The following GRB10 variants were observed in gnomAD, a reference collection of about 807,000 sequenced individuals.
The protein encoded by GRB10 is growth factor receptor-bound protein 10.
Under a neutral mutation model 80.9 loss-of-function variants are expected in GRB10, and 20 were observed. That is an observed-to-expected ratio of 0.25 (90% CI 0.17 to 0.36). The LOEUF (loss-of-function observed/expected upper bound fraction) is 0.36. GRB10 is among the 10% of genes least tolerant of loss of function. The pLI is 1.00. For missense variants in GRB10, 548 were observed against 747.7 expected (o/e 0.73, Z 3.12); for synonymous variants, 291 against 291.5 (o/e 1.00, Z 0.02).
intron 4 of GRB10, chr7:50,705,251 A>T (rs2064877456): frequency 2.0e-6 from 2 of 985,688 alleles, no homozygotes; most frequent in Non-Finnish European, 2.4e-6. Flanking sequence ...CAGCTCACCC[A>T]CATCTACCAC....
intron 3 of GRB10, among the ~76,000 whole-genome samples, chr7:50,751,592 T>TG (rs1278187016): frequency 1.3e-5 from 2 of 152,212 alleles, no homozygotes; most frequent in Non-Finnish European, 1.5e-5. Flanking sequence ...AAAGGGGCAC[T>TG]GGGAAGTGTG....
In GRB10 at chr7:50,605,401, A is replaced by G. The variant is rs2048349825; in HGVS notation, c.1278T>C (p.Ser426=). ...LLSPFSTPVR[S]VSENSLVAMD... The stretch of plus-strand genomic sequence containing the variant: ...TTGCCACGAGGGAGTTCTCGGAGAC[A>G]CTGCGCTGAAAAGGAAAGGCCGCAG... The change falls in exon 15 of 19, where the codon AGT becomes AGC. Residue 426 remains serine (S), a synonymous_variant. Coordinates refer to ENST00000401949, the MANE Select transcript of GRB10 (RefSeq NM_001350814.2). The G allele has an allele frequency of 4.3e-6, 7 of 1,613,502 alleles. No individual in the cohort carries two copies. Among genetic ancestry groups the G allele is most frequent in the Non-Finnish European group, 5.9e-6 (7 of 1,179,358 alleles).
At chr7:50,765,572 G>A (rs953317896) in intron 2 of GRB10, among the ~76,000 whole-genome samples, 15 of 152,326 alleles carry the variant, frequency 9.8e-5, no homozygotes, top group Admixed American at 7.8e-4. Flanking sequence ...TCTCACTCAT[G>A]TGCAAGCTAT....
intron 2 of GRB10, among the ~76,000 whole-genome samples, chr7:50,777,025 C>T (rs1224426497): frequency 1.1e-5 from 1 of 87,008 alleles, no homozygotes; most frequent in African/African-American, 4.6e-5. Flanking sequence ...ATAACAACAC[C>T]CACTCTCAGT....
chr7:50,733,456 T>C (rs1287735552), intron 3 of GRB10, among the ~76,000 whole-genome samples: 2 of 152,204 alleles, frequency 1.3e-5, no homozygotes, highest in Non-Finnish European at 2.9e-5. Context: ...ATCCCAGATC[T>C]GTAAAATTTA....
chr7:50,678,101 G>C (rs967039775), intron 5 of GRB10, among the ~76,000 whole-genome samples: 1 of 152,182 alleles, frequency 6.6e-6, no homozygotes, highest in African/African-American at 2.4e-5. Context: ...AGCCCCCGGG[G>C]TCTCCTGTCC....
At chr7:50,671,648 T>TG (rs1179114131) in intron 6 of GRB10, among the ~76,000 whole-genome samples, 1 of 152,250 alleles carries the variant, frequency 6.6e-6, no homozygotes, top group Admixed American at 6.5e-5. Flanking sequence ...CTGAAACGTC[T>TG]GGCCATTGTC....
chr7:50,641,276 A>AAGGC (rs377198528), intron 7 of GRB10, among the ~76,000 whole-genome samples: 13 of 148,140 alleles, frequency 8.8e-5, no homozygotes, highest in African/African-American at 3.3e-4. Flanking sequence ...TCATCAAAAA[A>AAGGC]GGTGGGGGGG....
intron 3 of GRB10, among the ~76,000 whole-genome samples, chr7:50,734,440 A>T (rs1056589273): frequency 3.7e-5 from 5 of 134,396 alleles, no homozygotes; most frequent in Non-Finnish European, 8.2e-5. Flanking sequence ...GTTCTGCCAC[A>T]TCCCACCAGG....
At chr7:50,703,783 A>G (rs1252803338) in intron 5 of GRB10, 38 bp downstream of exon 5, 1 of 1,447,186 alleles carries the variant, frequency 6.9e-7, no homozygotes, top group Non-Finnish European at 9.7e-7. Context: ...CTGCAAAGCT[A>G]GAACTGGGAG....
intron 2 of GRB10, among the ~76,000 whole-genome samples, chr7:50,769,935 C>A (rs79841870): frequency 0.012 from 1,868 of 152,304 alleles, 51 homozygotes; most frequent in African/African-American, 0.042. Context: ...GTCTTCCCCC[C>A]AGTAAAGGTG....
intron 13 of GRB10, 67 bp downstream of exon 13, chr7:50,612,674 T>C: frequency 9.9e-7 from 1 of 1,009,504 alleles, no homozygotes; most frequent in Non-Finnish European, 1.6e-6. Flanking sequence ...AGAATAGACA[T>C]CAAGTCCAGA....
intron 8 of GRB10, among the ~76,000 whole-genome samples, chr7:50,622,548 C>T (rs531420354): frequency 1.8e-4 from 28 of 152,258 alleles, no homozygotes; most frequent in East Asian, 9.7e-4. Flanking sequence ...TAAGATCTGG[C>T]GGAAACCCTC....
intron 2 of GRB10, among the ~76,000 whole-genome samples, chr7:50,775,603 G>A (rs1447367453): frequency 6.6e-6 from 1 of 152,186 alleles, no homozygotes; most frequent in Non-Finnish European, 1.5e-5. Flanking sequence ...TGCCCTAGTG[G>A]GGGCTCTTTT....
intron 7 of GRB10, among the ~76,000 whole-genome samples, chr7:50,629,500 C>T (rs909033640): frequency 6.6e-6 from 1 of 152,100 alleles, no homozygotes; most frequent in Admixed American, 6.5e-5. Context: ...CCAGCTCCAG[C>T]GACAGGCCCC....
At chr7:50,639,852 C>CT (rs1463716085) in intron 7 of GRB10, among the ~76,000 whole-genome samples, 24 of 152,054 alleles carry the variant, frequency 1.6e-4, no homozygotes, top group African/African-American at 5.8e-4. Flanking sequence ...GCTCATCTGC[C>CT]ATTTTTTTAA....
intron 3 of GRB10, among the ~76,000 whole-genome samples, chr7:50,747,357 C>T (rs17152120): frequency 0.1 from 15,225 of 152,258 alleles, 791 homozygotes; most frequent in East Asian, 0.17. Flanking sequence ...AAAACAAAGG[C>T]GCTTACAGTC....
chr7:50,604,474 C>A (rs2048172696), intron 15 of GRB10, 97 bp from the exon 16 acceptor site: 5 of 1,001,244 alleles, frequency 5.0e-6, no homozygotes, highest in South Asian at 1.3e-5. Flanking sequence ...GGGTGGGGTG[C>A]CTGACTGGGC....
chr7:50,773,537 C>T (rs1237640723), intron 2 of GRB10, among the ~76,000 whole-genome samples: 5 of 149,106 alleles, frequency 3.4e-5, no homozygotes, highest in Non-Finnish European at 5.9e-5. Flanking sequence ...GGACAGGAAA[C>T]GAAAAATGCC....
Sources: gnomAD v4.1 joint callset for allele counts (sites outside exome capture counted in the v4.1 genomes callset) on GRCh38, gnomAD v4.1.1 for gene constraint, MANE v1.5 for transcripts, NCBI Gene and HGNC (gene_info 2026-07-23, HGNC 2026-07-21) for gene names.